Variants in CDH13 observed in about 807,000 individuals in gnomAD.
The protein encoded by CDH13 is cadherin-13.
Under a neutral mutation model 63.8 loss-of-function variants are expected in CDH13, and 24 were observed. The ratio of observed to expected loss-of-function variants is 0.38; its 90% CI spans 0.27 to 0.53. CDH13 has a LOEUF of 0.53. Among genes scored for constraint, CDH13 ranks in the 20% least tolerant of loss-of-function variants. The probability of loss-of-function intolerance (pLI) is 0.85; values close to 1 mark genes in which losing one functional copy is unlikely to be tolerated. For synonymous variants in CDH13, 503 were observed against 355.3 expected, an observed-to-expected ratio of 1.42 and a Z score of -4.67; for missense variants, 1,049 against 903.1, an observed-to-expected ratio of 1.16 and a Z score of -2.07.
chr16:82,719,347 A>G (rs2032608641), intron 1 of CDH13: 1 of 455,752 alleles, frequency 2.2e-6, no homozygotes, highest in South Asian at 1.5e-5. Flanking sequence ...TTAAAAGTCT[A>G]CATTTTCTTT....
intron 9 of CDH13, among the ~76,000 whole-genome samples, chr16:83,676,771 C>A (rs1346261451): frequency 6.6e-6 from 1 of 152,210 alleles, no homozygotes; most frequent in Non-Finnish European, 1.5e-5. Context: ...ACACACTCTC[C>A]CATGTGTGGC....
intron 2 of CDH13, among the ~76,000 whole-genome samples, chr16:82,996,090 C>G (rs1912174708): frequency 6.6e-6 from 1 of 151,924 alleles, no homozygotes; most frequent in Non-Finnish European, 1.5e-5. Flanking sequence ...CGGGCAAAAG[C>G]ATAGCAGAAG....
chr16:83,283,118 G>C (rs966683992), intron 5 of CDH13, among the ~76,000 whole-genome samples: 1 of 152,058 alleles, frequency 6.6e-6, no homozygotes, highest in African/African-American at 2.4e-5. Flanking sequence ...TAGAAACCCT[G>C]ACTCATTCAG....
intron 10 of CDH13, among the ~76,000 whole-genome samples, chr16:83,731,722 C>G (rs1911061563): frequency 6.6e-6 from 1 of 152,112 alleles, no homozygotes; most frequent in African/African-American, 2.4e-5. Flanking sequence ...ATGCTATTTC[C>G]TAGGTTTTTT....
At chr16:82,738,766 C>G (rs1213720428) in intron 1 of CDH13, among the ~76,000 whole-genome samples, 1 of 152,242 alleles carries the variant, frequency 6.6e-6, no homozygotes, top group South Asian at 2.1e-4. Context: ...CATTAACTCT[C>G]TATGCCCTAA....
At chr16:83,068,617 G>C (rs1357529522) in intron 3 of CDH13, among the ~76,000 whole-genome samples, 3 of 152,046 alleles carry the variant, frequency 2.0e-5, no homozygotes, top group Non-Finnish European at 4.4e-5. Flanking sequence ...ATAAGCCTTT[G>C]CCATCACCAA....
chr16:83,271,424 A>T (rs1167693758), intron 5 of CDH13, among the ~76,000 whole-genome samples: 13 of 112,496 alleles, frequency 1.2e-4, no homozygotes, highest in East Asian at 2.7e-4. Context: ...AGAGTTCATA[A>T]AAAAAAAAAA....
intron 4 of CDH13, among the ~76,000 whole-genome samples, chr16:83,152,263 A>G (rs936761325): frequency 6.6e-6 from 1 of 152,206 alleles, no homozygotes; most frequent in African/African-American, 2.4e-5. Flanking sequence ...AACCACCTAA[A>G]TGATCCACGA....
intron 10 of CDH13, chr16:83,710,440 G>A (rs1197508554): frequency 1.3e-5 from 2 of 152,184 alleles, no homozygotes; most frequent in Non-Finnish European, 2.9e-5. Flanking sequence ...TTCAAGTGCT[G>A]GCATGGAACT....
At chr16:82,711,873 C>T (rs543420684) in intron 1 of CDH13, among the ~76,000 whole-genome samples, 104 of 152,272 alleles carry the variant, frequency 6.8e-4, no homozygotes, top group African/African-American at 2.4e-3. Flanking sequence ...GTTAGGTGCT[C>T]ATATTAGTTC....
intron 4 of CDH13, among the ~76,000 whole-genome samples, chr16:83,211,481 G>A (rs1181835861): frequency 2.6e-5 from 4 of 152,096 alleles, no homozygotes; most frequent in Admixed American, 2.6e-4. Context: ...ACTCAAAGCT[G>A]CTATATAGTC....
intron 8 of CDH13, among the ~76,000 whole-genome samples, chr16:83,644,571 T>C (rs1426680977): frequency 6.6e-6 from 1 of 152,260 alleles, no homozygotes; most frequent in Non-Finnish European, 1.5e-5. Context: ...ATTTTTAAAT[T>C]ACCTTCACTT....
At chr16:83,157,193 TA>T (rs1330152042) in intron 4 of CDH13, among the ~76,000 whole-genome samples, 1 of 152,176 alleles carries the variant, frequency 6.6e-6, no homozygotes, top group African/African-American at 2.4e-5. Context: ...TTTTAATAGC[TA>T]ATTACCACAC....
At chr16:83,248,513 A>C (rs1905187249) in intron 5 of CDH13, among the ~76,000 whole-genome samples, 1 of 152,176 alleles carries the variant, frequency 6.6e-6, no homozygotes, top group East Asian at 1.9e-4. Context: ...AGTCAGGCTC[A>C]AGGGTCATCA....
chr16:83,123,385 T>C (rs1436324610), intron 3 of CDH13, among the ~76,000 whole-genome samples: 1 of 152,112 alleles, frequency 6.6e-6, no homozygotes, highest in Non-Finnish European at 1.5e-5. Context: ...GTTCAAGTGA[T>C]TCTCCTGCCT....
chr16:83,782,521 A>C (rs1373823896), intron 12 of CDH13, among the ~76,000 whole-genome samples: 1 of 152,058 alleles, frequency 6.6e-6, no homozygotes, highest in Non-Finnish European at 1.5e-5. Context: ...AGATCACCTG[A>C]GGTCAGGAGT....
chr16:82,745,997 A>G (rs575489298), intron 1 of CDH13, among the ~76,000 whole-genome samples: 7 of 152,260 alleles, frequency 4.6e-5, no homozygotes, highest in African/African-American at 1.7e-4. Flanking sequence ...AAATATATCC[A>G]TTCACAAGTT....
intron 7 of CDH13, among the ~76,000 whole-genome samples, chr16:83,495,825 G>C (rs2074127268): frequency 6.6e-6 from 1 of 152,076 alleles, no homozygotes; most frequent in Non-Finnish European, 1.5e-5. Flanking sequence ...AAAAAGGTCA[G>C]AGTTTAGTCC....
intron 7 of CDH13, among the ~76,000 whole-genome samples, chr16:83,515,113 G>T (rs2074671126): frequency 6.6e-6 from 1 of 152,082 alleles, no homozygotes; most frequent in Non-Finnish European, 1.5e-5. Context: ...GGTCTGCTGG[G>T]TTCAGGTTCT....
Sources: gnomAD v4.1 joint callset for allele counts (sites outside exome capture counted in the v4.1 genomes callset) on GRCh38, gnomAD v4.1.1 for gene constraint, MANE v1.5 for transcripts, NCBI Gene and HGNC (gene_info 2026-07-23, HGNC 2026-07-21) for gene names.